Variants in ZFAND4 observed in about 807,000 individuals in gnomAD.
ZFAND4 encodes the protein AN1-type zinc finger protein 4.
In ZFAND4, 43 loss-of-function variants were observed where a neutral mutation model predicts 64.4. That is an observed-to-expected ratio of 0.67 (90% CI 0.52 to 0.86). ZFAND4 has a LOEUF of 0.86. ZFAND4 is among the 40% of genes least tolerant of loss of function. The pLI is 0.00. For synonymous variants in ZFAND4, 296 were observed against 305.7 expected (o/e 0.97, Z 0.33); for missense variants, 929 against 859.8 (o/e 1.08, Z -1.01).
chr10:45,654,286 C>T (rs1402231225), intron 2 of ZFAND4, among the ~76,000 whole-genome samples: 1 of 152,086 alleles, frequency 6.6e-6, no homozygotes, highest in Non-Finnish European at 1.5e-5. Context: ...ACGTAACAAA[C>T]CTACCCATGT....
At chr10:45,635,209 A>AAC (rs2046489073) in intron 6 of ZFAND4, among the ~76,000 whole-genome samples, 1 of 143,984 alleles carries the variant, frequency 6.9e-6, no homozygotes, top group African/African-American at 2.6e-5. Flanking sequence ...AAAAAAAAAA[A>AAC]AAAACAAAAA....
intron 3 of ZFAND4, 69 bp downstream of exon 3, chr10:45,652,915 G>T: frequency 8.2e-7 from 1 of 1,226,634 alleles, no homozygotes; most frequent in South Asian, 1.3e-5. Flanking sequence ...GAGTTCAAAA[G>T]AAAAACATTA....
chr10:45,643,669 CAAA>C (rs755281191), intron 5 of ZFAND4, among the ~76,000 whole-genome samples: 3,271 of 55,798 alleles, frequency 0.059, 32 homozygotes, highest in East Asian at 0.1. Flanking sequence ...GACTCCATCT[CAAA>C]AAAAAAAAAA....
chr10:45,616,353 G>A lies in ZFAND4; in HGVS notation c.*83C>T, dbSNP rs565337384. On this transcript the variant is annotated 3_prime_UTR_variant, in exon 10 of 10. Coordinates refer to ENST00000344646, the MANE Select transcript of ZFAND4 (RefSeq NM_174890.4). ...GTTATTTGGCAAATCTTTTAGAGTC[G>A]AACAAAAATAATAGTCTAAACAACA... 16 of 1,527,844 alleles carry A rather than the reference G, an allele frequency of 1.0e-5. No individual in the cohort carries two copies. The highest frequency in any genetic ancestry group is 1.8e-4 in the Middle Eastern group (1 of 5,684). 94.6% of individuals were successfully genotyped at this position (1,527,844 alleles called of 1,614,324 possible).
chr10:45,639,777 A>G, intron 6 of ZFAND4, 39 bp downstream of exon 6: 2 of 1,571,038 alleles, frequency 1.3e-6, no homozygotes, highest in South Asian at 1.2e-5. Flanking sequence ...CTGCAGGGGT[A>G]AGCTAGAGAT....
At chr10:45,627,711 T>C (rs914040299) in intron 6 of ZFAND4, among the ~76,000 whole-genome samples, 3 of 152,102 alleles carry the variant, frequency 2.0e-5, no homozygotes, top group African/African-American at 7.2e-5. Flanking sequence ...GAACCGCAAA[T>C]GCTAGGCAGA....
At chr10:45,616,895 A>G (rs1282385078) in intron 9 of ZFAND4, among the ~76,000 whole-genome samples, 2 of 152,096 alleles carry the variant, frequency 1.3e-5, no homozygotes, top group Non-Finnish European at 2.9e-5. Flanking sequence ...CCAGGCCAAC[A>G]TGATGAAAAC....
At chr10:45,635,812 T>C (rs2046560212) in intron 6 of ZFAND4, among the ~76,000 whole-genome samples, 1 of 152,248 alleles carries the variant, frequency 6.6e-6, no homozygotes, top group Non-Finnish European at 1.5e-5. Flanking sequence ...TGCACAACAC[T>C]GTGTTATACA....
chr10:45,639,171 T>C (rs2133692221), intron 6 of ZFAND4, among the ~76,000 whole-genome samples: 1 of 152,132 alleles, frequency 6.6e-6, no homozygotes, highest in South Asian at 2.1e-4. Context: ...ATCTAGAATA[T>C]ATATAAAACT....
rs1176833003 is a variant in ZFAND4 at position 45,626,692 on chromosome 10, A to C, written c.1131T>G (p.Ser377Arg). Residue 377 changes from serine (S) to arginine (R), a missense_variant, in exon 7 of 10, where the codon AGT (serine) becomes AGG (arginine). Coordinates refer to ENST00000344646, the MANE Select transcript of ZFAND4 (RefSeq NM_174890.4). ...CTGAAGGTAAGACAATGTTCCCATTACTAGATGGCAAGTTTCCTAAAAAAT... is the reference window on the plus strand; with the variant it reads ...CTGAAGGTAAGACAATGTTCCCATTCCTAGATGGCAAGTTTCCTAAAAAAT... Reference protein sequence around the residue: ...TKHFLGNLPSSNGNIVLPSEE... With the variant: ...TKHFLGNLPSRNGNIVLPSEE... 4 of 1,614,134 alleles carry C rather than the reference A, an allele frequency of 2.5e-6. No homozygotes were observed. The highest frequency in any genetic ancestry group is 3.4e-6 in the Non-Finnish European group (4 of 1,180,056).
At chr10:45,655,087 A>C (rs1301072405) in intron 2 of ZFAND4, among the ~76,000 whole-genome samples, 1 of 152,240 alleles carries the variant, frequency 6.6e-6, no homozygotes, top group Non-Finnish European at 1.5e-5. Flanking sequence ...TCTCCAAGAT[A>C]GATCATATGA....
intron 6 of ZFAND4, among the ~76,000 whole-genome samples, chr10:45,639,142 T>C (rs2046822844): frequency 6.6e-6 from 1 of 151,932 alleles, no homozygotes; most frequent in South Asian, 2.1e-4. Flanking sequence ...AAAGTGGTAA[T>C]ATGAAACAAA....
At chr10:45,620,526 A>G (rs1467660410) in intron 8 of ZFAND4, among the ~76,000 whole-genome samples, 1 of 152,204 alleles carries the variant, frequency 6.6e-6, no homozygotes, top group East Asian at 1.9e-4. Flanking sequence ...CAGAGAATAC[A>G]TTAGTGACAG....
At chr10:45,631,950 C>T (rs963405214) in intron 6 of ZFAND4, among the ~76,000 whole-genome samples, 1 of 152,122 alleles carries the variant, frequency 6.6e-6, no homozygotes, top group African/African-American at 2.4e-5. Flanking sequence ...GTTTGAACAT[C>T]GAAAAATTCA....
rs542030964 is a variant in ZFAND4, at chr10:45,659,259, T to C, written c.184+4283A>G. ...ACAGGCCCACTGCAAGATTTAATCA[T>C]AAGATTACAGAATGTTCCCCCTCTT... On this transcript the variant is annotated intron_variant, in intron 2 of 9. Coordinates refer to ENST00000344646, the MANE Select transcript of ZFAND4 (RefSeq NM_174890.4). 2.6e-5 allele frequency among the ~76,000 whole-genome samples: 4 copies of C among 152,274 alleles called. No homozygotes were observed. In the South Asian group the frequency reaches 8.3e-4, roughly 32 times the overall value.
At position 45,652,018 on chromosome 10, in the gene ZFAND4, A is replaced by G. The variant is rs17857362; in HGVS notation, c.276T>C (p.Cys92=). ...CLNDYNISEG[C]TLKLVLAMRG... Reference sequence around the variant, plus strand: ...GCATAGCCAAAACTAGCTTCAAGGTACACCCTTCTGAAATGCTGTGGATAG... The same window carrying G: ...GCATAGCCAAAACTAGCTTCAAGGTGCACCCTTCTGAAATGCTGTGGATAG... The change falls in exon 4 of 10, where the codon TGT becomes TGC. Residue 92 remains cysteine, a synonymous_variant. Transcript: ENST00000344646. 1 of 1,613,736 alleles carries G rather than the reference A, an allele frequency of 6.2e-7. No homozygotes were observed. Among genetic ancestry groups the G allele is most frequent in the Admixed American group, 1.7e-5 (1 of 59,990 alleles).
chr10:45,670,380 C>T (rs1034948963), intron 1 of ZFAND4, among the ~76,000 whole-genome samples: 4 of 152,126 alleles, frequency 2.6e-5, no homozygotes, highest in African/African-American at 9.7e-5. Context: ...GCATGTGCCA[C>T]CACGCCCGGC....
Position 45,626,581 on chromosome 10 carries a change from G to T in ZFAND4, c.1242C>A (p.Ser414Arg). The T allele has an allele frequency of 6.2e-7, 1 of 1,614,114 alleles. No individual in the cohort carries two copies. Among genetic ancestry groups the T allele is most frequent in the Non-Finnish European group, 8.5e-7 (1 of 1,180,034 alleles). ...FAEGNADEQS[S>R]GLEGACKVNL... is the part of the protein sequence containing the mutation. ...TCACTTTGCACGCACCTTCTAAGCCGCTGCTCTGTTCATCAGCATTTCCTT... is the reference window on the plus strand; with the variant it reads ...TCACTTTGCACGCACCTTCTAAGCCTCTGCTCTGTTCATCAGCATTTCCTT... Residue 414 changes from serine (S) to arginine (R), a missense_variant, in exon 7 of 10, where the codon AGC (serine) becomes AGA (arginine). Ser to Arg is a moderately radical substitution (Grantham distance 110). Transcript: ENST00000344646.
intron 6 of ZFAND4, among the ~76,000 whole-genome samples, chr10:45,635,690 TA>T (rs1254382409): frequency 6.6e-6 from 1 of 152,082 alleles, no homozygotes; most frequent in African/African-American, 2.4e-5. Flanking sequence ...ATGAATGGAT[TA>T]AAAAAGTGTG....
Sources: allele counts gnomAD v4.1 joint callset (sites outside exome capture counted in the v4.1 genomes callset), GRCh38; gene constraint gnomAD v4.1.1; transcripts MANE v1.5; gene names NCBI Gene and HGNC (gene_info 2026-07-23, HGNC 2026-07-21).